Variants in ADAMTS7 observed in about 807,000 individuals in gnomAD.
The protein encoded by ADAMTS7 is ADAM metallopeptidase with thrombospondin type 1 motif 7, also known as A disintegrin and metalloproteinase with thrombospondin motifs 7.
A neutral mutation model predicts 172.6 loss-of-function variants in ADAMTS7; 89 were observed. That is an observed-to-expected ratio of 0.52 (90% CI 0.43 to 0.61). The LOEUF (loss-of-function observed/expected upper bound fraction) is 0.61, where lower values mean the gene tolerates loss of function less well. Among genes scored for constraint, ADAMTS7 ranks in the 20% least tolerant of loss-of-function variants. The pLI is 0.00. For missense variants in ADAMTS7, 1,973 were observed against 2,355.6 expected (o/e 0.84, Z 3.36); for synonymous variants, 885 against 978.4 (o/e 0.90, Z 1.78).
chr15:78,765,885 A>T lies in ADAMTS7; in HGVS notation c.4026T>A (p.Thr1342=). ...VWGTFLPTTL[T]GLGHMPEPAL... ...CAGGCTCAGGCATGTGCCCGAGGCC[A>T]GTCAGGGTTGTGGGGAGGAAGGTCC... is the stretch of plus-strand genomic sequence containing the variant. The change falls in exon 19 of 24, where the codon ACT becomes ACA. Residue 1342 remains threonine (T), a synonymous_variant. Transcript: ENST00000388820. The T allele has an allele frequency of 6.4e-7, 1 of 1,573,872 alleles. No individual in the cohort carries two copies. The highest frequency in any genetic ancestry group is 8.6e-7 in the Non-Finnish European group (1 of 1,159,934).
Position 78,768,149 on chromosome 15 carries a change from G to T in ADAMTS7, c.2629C>A (p.Gln877Lys). The T allele has an allele frequency of 6.3e-7, 1 of 1,598,698 alleles. No individual in the cohort carries two copies. Among genetic ancestry groups the T allele is most frequent in the South Asian group, 1.1e-5 (1 of 88,760 alleles). Residue 877 changes from glutamine (Q) to lysine (K), a missense_variant, in exon 17 of 24, where the codon CAG becomes AAG. Gln to Lys is a moderately conservative substitution (Grantham distance 53, BLOSUM62 1). Coordinates refer to ENST00000388820, the MANE Select transcript of ADAMTS7 (RefSeq NM_014272.5). ...CGGGCTCACCTGGCAGGGCAGGGCT[G>T]CTCGCTGCACTTCCTCTGTTGGTCA... Reference protein sequence around the residue: ...PDDQQRKCSEQPCPARWWAGE... With the variant: ...PDDQQRKCSEKPCPARWWAGE...
intron 4 of ADAMTS7, among the ~76,000 whole-genome samples, chr15:78,792,707 G>A (rs1445028869): frequency 6.6e-6 from 1 of 152,186 alleles, no homozygotes; most frequent in African/African-American, 2.4e-5. Flanking sequence ...CAGCCCCCTG[G>A]GAGGCTGAGG....
intron 1 of ADAMTS7, among the ~76,000 whole-genome samples, chr15:78,807,505 G>T (rs1406799409): frequency 6.6e-6 from 1 of 152,200 alleles, no homozygotes; most frequent in Non-Finnish European, 1.5e-5. Flanking sequence ...AAAGCATTCG[G>T]ATTAGTGAGC....
intron 3 of ADAMTS7, 57 bp downstream of exon 3, chr15:78,797,891 C>A (rs2055666743): frequency 6.4e-7 from 1 of 1,556,914 alleles, no homozygotes; most frequent in Non-Finnish European, 8.6e-7. Context: ...TCTAGAAAGG[C>A]CCCTTCATGT....
At chr15:78,778,094 C>A (rs191136875) in intron 8 of ADAMTS7, among the ~76,000 whole-genome samples, 1,754 of 152,344 alleles carry the variant, frequency 0.012, 31 homozygotes, top group African/African-American at 0.04. Context: ...GAGCCCAGGG[C>A]AACCATGCCT....
At chr15:78,783,742 A>G (rs2055464747) in intron 8 of ADAMTS7, among the ~76,000 whole-genome samples, 1 of 152,244 alleles carries the variant, frequency 6.6e-6, no homozygotes, top group African/African-American at 2.4e-5. Flanking sequence ...CAAAAGGTGC[A>G]CAGGTTGAGC....
In ADAMTS7 at chr15:78,791,076, G is replaced by A. The variant is rs1372729891; in HGVS notation, c.903+64C>T. The A allele has an allele frequency of 7.1e-6, 11 of 1,544,472 alleles. No homozygotes were observed. In the East Asian group the frequency reaches 2.3e-4, roughly 32 times the overall value. Reference sequence around the variant, plus strand: ...TTCCATAAAGAGCAGCACAGGTCATGCGGCAGGAGGGCTCTGGCAGCCGAA... The same window carrying A: ...TTCCATAAAGAGCAGCACAGGTCATACGGCAGGAGGGCTCTGGCAGCCGAA... On this transcript the variant is annotated intron_variant, in intron 5 of 23. Transcript: ENST00000388820.
intron 7 of ADAMTS7, 117 bp from the exon 8 acceptor site, chr15:78,788,491 A>C (rs1458613000): frequency 3.2e-6 from 4 of 1,249,354 alleles, no homozygotes; most frequent in Non-Finnish European, 4.5e-6. Flanking sequence ...TCTGCCACCC[A>C]ATGGCTGCAC....
chr15:78,760,582 T>A (rs1162917628), intron 23 of ADAMTS7, among the ~76,000 whole-genome samples: 1 of 152,118 alleles, frequency 6.6e-6, no homozygotes, highest in Non-Finnish European at 1.5e-5. Context: ...CTCTTGGGCC[T>A]CGGTTCCCTC....
intron 3 of ADAMTS7, among the ~76,000 whole-genome samples, chr15:78,797,398 G>T (rs932259104): frequency 2.0e-5 from 3 of 152,254 alleles, no homozygotes; most frequent in Admixed American, 2.0e-4. Context: ...AGATTGGCTT[G>T]CTAGCCAAGC....
intron 2 of ADAMTS7, among the ~76,000 whole-genome samples, chr15:78,798,802 G>T (rs1235787823): frequency 2.6e-5 from 4 of 152,224 alleles, no homozygotes; most frequent in African/African-American, 4.8e-5. Context: ...GCTCCAACAG[G>T]AAAGAAGGTT....
At chr15:78,773,013 C>A in intron 14 of ADAMTS7, 70 bp downstream of exon 14, 1 of 1,457,974 alleles carries the variant, frequency 6.9e-7, no homozygotes, top group Non-Finnish European at 9.4e-7. Context: ...AGGACAGGGG[C>A]CCAGGGGAGA....
Position 78,766,219 on chromosome 15 carries a change from T to G in ADAMTS7, c.3692A>C (p.His1231Pro), listed in dbSNP as rs752939999. The G allele has an allele frequency of 3.7e-6, 6 of 1,611,608 alleles. No homozygotes were observed. Among genetic ancestry groups the G allele is most frequent in the Middle Eastern group, 1.9e-4 (1 of 5,370 alleles). Residue 1231 changes from histidine to proline, a missense_variant, in exon 19 of 24, where the codon CAC (histidine) becomes CCC (proline). His to Pro is a moderately conservative substitution (Grantham distance 77). Coordinates refer to ENST00000388820, the MANE Select transcript of ADAMTS7 (RefSeq NM_014272.5). ...DEEPKGRGAP[H>P]LPPRPSSTLP... ...CGTGGAGCTGGGTCTCGGGGGCAGG[T>G]GGGGTGCTCCTCGGCCCTTGGGTTC... is the stretch of plus-strand genomic sequence containing the variant.
chr15:78,796,576 CCA>C lies in ADAMTS7; in HGVS notation c.819+12_819+13del. On this transcript the variant is annotated intron_variant, in intron 4 of 23. Coordinates refer to ENST00000388820, the MANE Select transcript of ADAMTS7 (RefSeq NM_014272.5). ...ACCATCCCCGCCACCCGCTCCTGGCCCACACAGACTCACCATGTTCATGATGG... is the reference window on the plus strand; with the variant it reads ...ACCATCCCCGCCACCCGCTCCTGGCCCACAGACTCACCATGTTCATGATGG... 1 of 1,605,800 alleles carries C rather than the reference CCA, an allele frequency of 6.2e-7. No homozygotes were observed. The highest frequency in any genetic ancestry group is 8.5e-7 in the Non-Finnish European group (1 of 1,174,298).
In ADAMTS7 at chr15:78,764,653, C is replaced by A. The variant is rs752432985; in HGVS notation, c.4321G>T (p.Gly1441Cys). Residue 1441 changes from glycine to cysteine, a missense_variant, in exon 20 of 24, where the codon GGC (glycine) becomes TGC (cysteine). Transcript: ENST00000388820. The part of the protein sequence containing the change: ...AVWRPVRCSS[G>C]RDEDCAPAGR... ...GCGGGGGCGCAGTCCTCATCCCGGC[C>A]GGAGCTACAGCGCACCGGCCTCCAG... The A allele has an allele frequency of 1.3e-6, 2 of 1,576,590 alleles. No individual in the cohort carries two copies. Among genetic ancestry groups the A allele is most frequent in the Non-Finnish European group, 1.7e-6 (2 of 1,170,320 alleles).
At chr15:78,762,650 T>C in intron 22 of ADAMTS7, 85 bp from the exon 23 acceptor site, 2 of 1,125,396 alleles carry the variant, frequency 1.8e-6, no homozygotes, top group Admixed American at 3.8e-5. Flanking sequence ...AAGCCGTCCC[T>C]GCGCCCTGTG....
intron 11 of ADAMTS7, among the ~76,000 whole-genome samples, chr15:78,775,560 C>T (rs558040087): frequency 2.0e-5 from 3 of 152,122 alleles, no homozygotes; most frequent in African/African-American, 7.2e-5. Context: ...CACCCCCACC[C>T]CCCCGTTTAG....
intron 7 of ADAMTS7, among the ~76,000 whole-genome samples, chr15:78,788,737 G>A (rs1471289358): frequency 5.3e-5 from 8 of 152,228 alleles, no homozygotes; most frequent in South Asian, 2.1e-4. Flanking sequence ...GTCTGACAGC[G>A]GTTCCCACTC....
chr15:78,766,582 G>C lies in ADAMTS7; in HGVS notation c.3329C>G (p.Pro1110Arg), dbSNP rs758346888. The C allele has an allele frequency of 7.5e-6, 12 of 1,603,956 alleles. No homozygotes were observed. The highest frequency in any genetic ancestry group is 1.0e-5 in the Non-Finnish European group (12 of 1,177,188). The change falls in exon 19 of 24, where the codon CCC (proline) becomes CGC (arginine). Residue 1110 changes from proline (P) to arginine (R), a missense_variant. Transcript: ENST00000388820. ...TGCAGGAGGCTCTGTGGCAGGCACGGGGCTACCCGTGGAGGGCGCAGCAGG... is the reference window on the plus strand; with the variant it reads ...TGCAGGAGGCTCTGTGGCAGGCACGCGGCTACCCGTGGAGGGCGCAGCAGG... ...SHPAAPSTGS[P>R]VPATEPPAAK... is the part of the protein sequence containing the mutation.
Sources: gnomAD v4.1 joint callset for allele counts (sites outside exome capture counted in the v4.1 genomes callset) on GRCh38, gnomAD v4.1.1 for gene constraint, MANE v1.5 for transcripts, NCBI Gene and HGNC (gene_info 2026-07-23, HGNC 2026-07-21) for gene names.